The following EDIL3 variants were observed in gnomAD, a reference collection of about 807,000 sequenced individuals.
The protein encoded by EDIL3 is EGF like and discoidin domains 3, also known as EGF-like repeat and discoidin I-like domain-containing protein 3.
EDIL3 carries 37 observed loss-of-function variants against 67.4 expected under a neutral mutation model. The observed-to-expected ratio is 0.55, with a 90% CI of 0.42 to 0.72. EDIL3 has a LOEUF of 0.72. EDIL3 is among the 30% of genes least tolerant of loss of function. The probability of loss-of-function intolerance (pLI) is 0.00; values close to 1 mark genes in which losing one functional copy is unlikely to be tolerated. For missense variants in EDIL3, 527 were observed against 586.3 expected, an observed-to-expected ratio of 0.90 and a Z score of 1.04; for synonymous variants, 195 against 196.3, an observed-to-expected ratio of 0.99 and a Z score of 0.05.
intron 1 of EDIL3, among the ~76,000 whole-genome samples, chr5:84,282,182 A>G (rs925535104): frequency 2.0e-5 from 3 of 151,832 alleles, no homozygotes; most frequent in Non-Finnish European, 2.9e-5. Context: ...CATATTTTTT[A>G]AAGAAACAAA....
chr5:84,045,352 G>C (rs1173546586), intron 9 of EDIL3, among the ~76,000 whole-genome samples: 1 of 152,122 alleles, frequency 6.6e-6, no homozygotes, highest in Non-Finnish European at 1.5e-5. Context: ...GGGGAGGAGA[G>C]CAGTAAGACA....
At chr5:84,184,109 AAAC>A (rs1423117126) in intron 3 of EDIL3, among the ~76,000 whole-genome samples, 1 of 152,174 alleles carries the variant, frequency 6.6e-6, no homozygotes. Context: ...TCCATCTCAG[AAAC>A]AACAACAACA....
chr5:84,134,098 A>G lies in EDIL3; in HGVS notation c.469+3143T>C, dbSNP rs75554619. Among the ~76,000 whole-genome samples, 26 of 152,264 alleles carry G rather than the reference A, an allele frequency of 1.7e-4. No individual in the cohort carries two copies. In the East Asian group the frequency reaches 4.8e-3, roughly 28 times the overall value. ...ATGTAATTTTGCAACAGGTCATAATAGAGTTAGATATAAATTTATTCCTTA... is the reference window on the plus strand; with the variant it reads ...ATGTAATTTTGCAACAGGTCATAATGGAGTTAGATATAAATTTATTCCTTA... On this transcript the variant is annotated intron_variant, in intron 5 of 10. Transcript: ENST00000296591.
intron 1 of EDIL3, among the ~76,000 whole-genome samples, chr5:84,312,307 C>A (rs867708418): frequency 3.6e-4 from 48 of 134,846 alleles, no homozygotes; most frequent in African/African-American, 1.5e-3. Flanking sequence ...CCTCCCTCCC[C>A]GACGGGGCGG....
intron 9 of EDIL3, among the ~76,000 whole-genome samples, chr5:84,027,113 T>C (rs1397747207): frequency 1.3e-5 from 2 of 151,966 alleles, no homozygotes; most frequent in East Asian, 3.9e-4. Context: ...AAGAAATAAG[T>C]AAATATAAAG....
At chr5:84,313,535 T>C (rs1212030709) in intron 1 of EDIL3, among the ~76,000 whole-genome samples, 1 of 152,186 alleles carries the variant, frequency 6.6e-6, no homozygotes, top group African/African-American at 2.4e-5. Context: ...AGTCATTAAG[T>C]CTTCCTGATA....
chr5:84,053,085 G>T (rs1252669624), intron 9 of EDIL3, among the ~76,000 whole-genome samples: 1 of 152,130 alleles, frequency 6.6e-6, no homozygotes, highest in African/African-American at 2.4e-5. Flanking sequence ...AAATGTAAAA[G>T]AACAGAAATT....
At chr5:83,981,076 T>C (rs1460013252) in intron 9 of EDIL3, among the ~76,000 whole-genome samples, 1 of 152,104 alleles carries the variant, frequency 6.6e-6, no homozygotes, top group African/African-American at 2.4e-5. Flanking sequence ...CAAATTGATC[T>C]ACAGGTTCAA....
chr5:83,958,801 C>T (rs1744558602), intron 10 of EDIL3, among the ~76,000 whole-genome samples: 1 of 151,370 alleles, frequency 6.6e-6, no homozygotes, highest in African/African-American at 2.4e-5. Flanking sequence ...CAGTAAAAAA[C>T]AGCTCCAAGT....
At chr5:84,122,536 T>C (rs892185353) in intron 5 of EDIL3, among the ~76,000 whole-genome samples, 1 of 151,914 alleles carries the variant, frequency 6.6e-6, no homozygotes, top group African/African-American at 2.4e-5. Context: ...CCAATTGTAA[T>C]TGAGGCAATT....
intron 9 of EDIL3, among the ~76,000 whole-genome samples, chr5:84,051,271 A>G (rs1746331495): frequency 2.0e-5 from 3 of 152,202 alleles, no homozygotes; most frequent in Admixed American, 6.5e-5. Context: ...TAAAAGGAAA[A>G]CTAACAAACA....
At chr5:83,989,307 G>A (rs867609720) in intron 9 of EDIL3, among the ~76,000 whole-genome samples, 2 of 152,034 alleles carry the variant, frequency 1.3e-5, no homozygotes, top group Non-Finnish European at 1.5e-5. Flanking sequence ...ATGTCTTATT[G>A]TCCCCTGCCC....
chr5:84,221,318 T>C (rs989184707), intron 3 of EDIL3, among the ~76,000 whole-genome samples: 4 of 152,154 alleles, frequency 2.6e-5, no homozygotes, highest in African/African-American at 9.6e-5. Flanking sequence ...TAGATATGTA[T>C]GTCAAGATGT....
At chr5:84,291,731 G>GATCTATCTATATAGATATATCTATATAT (rs1745924830) in intron 1 of EDIL3, among the ~76,000 whole-genome samples, 2 of 138,110 alleles carry the variant, frequency 1.4e-5, no homozygotes, top group East Asian at 2.2e-4. Context: ...TATCTATATA[G>GATCTATCTATATAGATATATCTATATAT]ATCTATCTAT....
intron 1 of EDIL3, among the ~76,000 whole-genome samples, chr5:84,360,944 T>C (rs1747584597): frequency 6.6e-6 from 1 of 152,090 alleles, no homozygotes; most frequent in Non-Finnish European, 1.5e-5. Flanking sequence ...AAAATTCTTC[T>C]GGGGGTATTT....
chr5:84,203,069 T>C (rs2112380114), intron 3 of EDIL3, among the ~76,000 whole-genome samples: 1 of 152,262 alleles, frequency 6.6e-6, no homozygotes, highest in East Asian at 1.9e-4. Context: ...TGACAGAGAA[T>C]AGGTGCCACT....
Position 84,137,232 on chromosome 5 carries a change from A to G in EDIL3, c.469+9T>C. The G allele has an allele frequency of 6.3e-7, 1 of 1,597,942 alleles. No individual in the cohort carries two copies. The highest frequency in any genetic ancestry group is 8.6e-7 in the Non-Finnish European group (1 of 1,168,420). ...ACACACACACACATACACACACGTG[A>G]ATACTTACTGTATTGACAATTTCTT... On this transcript the variant is annotated intron_variant, in intron 5 of 10. Coordinates refer to ENST00000296591, the MANE Select transcript of EDIL3 (RefSeq NM_005711.5).
chr5:84,047,540 A>C (rs938178167), intron 9 of EDIL3: 4 of 152,120 alleles, frequency 2.6e-5, no homozygotes, highest in Admixed American at 2.6e-4. Flanking sequence ...ACTTTTTATT[A>C]GCTTCATACT....
intron 6 of EDIL3, among the ~76,000 whole-genome samples, chr5:84,092,591 A>G (rs922096927): frequency 1.2e-4 from 19 of 152,180 alleles, no homozygotes; most frequent in African/African-American, 4.6e-4. Flanking sequence ...CATTTTTACA[A>G]GGGTAAATAT....
Sources: gnomAD v4.1 joint callset for allele counts (sites outside exome capture counted in the v4.1 genomes callset) on GRCh38, gnomAD v4.1.1 for gene constraint, MANE v1.5 for transcripts, NCBI Gene and HGNC (gene_info 2026-07-23, HGNC 2026-07-21) for gene names.